KCNQ5: variants seen among roughly 807,000 people sequenced by gnomAD.
The protein encoded by KCNQ5 is potassium voltage-gated channel subfamily Q member 5, also known as potassium voltage-gated channel subfamily KQT member 5.
KCNQ5 carries 30 observed loss-of-function variants against 98.2 expected under a neutral mutation model. That is an observed-to-expected ratio of 0.31 (90% CI 0.23 to 0.41). The LOEUF is 0.41. KCNQ5 is among the 10% of genes least tolerant of loss of function. KCNQ5 has a pLI of 1.00. For missense variants in KCNQ5, 835 were observed against 1,182.5 expected, an observed-to-expected ratio of 0.71 and a Z score of 4.31; for synonymous variants, 458 against 449.4, an observed-to-expected ratio of 1.02 and a Z score of -0.24.
intron 1 of KCNQ5, among the ~76,000 whole-genome samples, chr6:72,760,750 A>G (rs2154477007): frequency 6.6e-6 from 1 of 152,250 alleles, no homozygotes; most frequent in Non-Finnish European, 1.5e-5. Flanking sequence ...TTACTGTCAA[A>G]ACTGATGAAT....
intron 10 of KCNQ5, among the ~76,000 whole-genome samples, chr6:73,158,292 G>A (rs1160786609): frequency 2.8e-5 from 4 of 144,532 alleles, no homozygotes; most frequent in Non-Finnish European, 4.6e-5. Flanking sequence ...TTGTGGAGAC[G>A]GAGTCTCCCT....
At chr6:73,055,017 A>G in intron 3 of KCNQ5, 1 of 497,350 alleles carries the variant, frequency 2.0e-6, no homozygotes, top group Non-Finnish European at 3.7e-6. Flanking sequence ...TCAATGTACA[A>G]AAATCAGTAG....
chr6:72,852,995 C>T (rs1777347651), intron 1 of KCNQ5, among the ~76,000 whole-genome samples: 1 of 151,966 alleles, frequency 6.6e-6, no homozygotes, highest in East Asian at 1.9e-4. Context: ...GTATTTATAC[C>T]ATGGAAAATG....
intron 1 of KCNQ5, chr6:72,987,391 C>T (rs1768837179): frequency 2.8e-6 from 2 of 714,128 alleles, no homozygotes; most frequent in South Asian, 1.4e-5. Flanking sequence ...AAAACGGAAG[C>T]TTGTGAAACC....
At chr6:73,059,205 C>T (rs1334830095) in intron 3 of KCNQ5, among the ~76,000 whole-genome samples, 2 of 152,152 alleles carry the variant, frequency 1.3e-5, no homozygotes, top group Non-Finnish European at 2.9e-5. Context: ...AAATGTGGTA[C>T]ATATACACCA....
At chr6:72,926,985 G>C (rs1026736360) in intron 1 of KCNQ5, among the ~76,000 whole-genome samples, 4 of 152,074 alleles carry the variant, frequency 2.6e-5, no homozygotes, top group Non-Finnish European at 5.9e-5. Context: ...TTACCATGGT[G>C]ACTTCTCTTC....
intron 1 of KCNQ5, among the ~76,000 whole-genome samples, chr6:72,778,460 C>A (rs1034410571): frequency 1.3e-5 from 2 of 151,860 alleles, no homozygotes; most frequent in Non-Finnish European, 1.5e-5. Flanking sequence ...GGTCGCTTGA[C>A]CCCCAGAGGA....
intron 3 of KCNQ5, chr6:73,055,162 C>T (rs1772415432): frequency 7.4e-6 from 6 of 812,562 alleles, no homozygotes; most frequent in Non-Finnish European, 1.3e-5. Context: ...AGAACCACTT[C>T]AGCGGCTGGT....
In KCNQ5 at chr6:73,041,938, G is replaced by A; in HGVS notation, c.492G>A (p.Glu164=). ...ATATGTCTTATCTGATATTTTAGGA[G>A]TTCGTGATGATTGTCGTCTTTGGTT... is the stretch of plus-strand genomic sequence containing the variant. ...KLASSCLLIL[E]FVMIVVFGLE... The change falls in exon 3 of 14, where the codon GAG becomes GAA. Residue 164 remains glutamate (E), a splice_region_variant and synonymous_variant. Transcript: ENST00000370398. 6.2e-7 allele frequency: 1 copy of A among 1,613,818 alleles called. No individual in the cohort carries two copies. The highest frequency in any genetic ancestry group is 8.5e-7 in the Non-Finnish European group (1 of 1,179,736).
intron 1 of KCNQ5, among the ~76,000 whole-genome samples, chr6:72,626,009 A>G (rs180698704): frequency 3.5e-4 from 54 of 152,306 alleles, no homozygotes; most frequent in Admixed American, 1.1e-3. Flanking sequence ...AAATATTTCC[A>G]TGACTCTTAT....
intron 1 of KCNQ5, among the ~76,000 whole-genome samples, chr6:72,989,652 T>G (rs1277099712): frequency 4.5e-3 from 1 of 222 alleles, no homozygotes; most frequent in Non-Finnish European, 7.8e-3. Context: ...CAGAAGCTCT[T>G]TAGTTTAATT....
In KCNQ5 at chr6:73,075,342, C is replaced by G. The variant is rs189902925; in HGVS notation, c.617-1980C>G. On this transcript the variant is annotated intron_variant, in intron 3 of 13. Transcript: ENST00000370398. Reference sequence around the variant, plus strand: ...GGTTCAAGGGATTCTCATGCCTCAGCCTTCCAAGTAGCTGGGATTACAGGC... The same window carrying G: ...GGTTCAAGGGATTCTCATGCCTCAGGCTTCCAAGTAGCTGGGATTACAGGC... Among the ~76,000 whole-genome samples, 149 of 152,034 alleles carry G rather than the reference C, an allele frequency of 9.8e-4. 1 individual carries two copies. The highest frequency in any genetic ancestry group is 3.4e-3 in the Middle Eastern group (1 of 294).
chr6:73,141,796 A>G (rs1776722774), intron 10 of KCNQ5, among the ~76,000 whole-genome samples: 1 of 152,234 alleles, frequency 6.6e-6, no homozygotes, highest in African/African-American at 2.4e-5. Flanking sequence ...GCATGTCCAC[A>G]TTGATACTTT....
intron 11 of KCNQ5, among the ~76,000 whole-genome samples, chr6:73,188,628 A>G (rs1765470615): frequency 6.6e-6 from 1 of 152,212 alleles, no homozygotes; most frequent in African/African-American, 2.4e-5. Context: ...CTCTAAGCAC[A>G]CAATGTCATA....
At chr6:73,098,662 C>T (rs973781963) in intron 5 of KCNQ5, among the ~76,000 whole-genome samples, 2 of 151,988 alleles carry the variant, frequency 1.3e-5, no homozygotes, top group Non-Finnish European at 2.9e-5. Flanking sequence ...GCAAAAATAG[C>T]CTTCATGAAG....
At chr6:73,036,307 A>G (rs1323139067) in intron 2 of KCNQ5, among the ~76,000 whole-genome samples, 3 of 147,254 alleles carry the variant, frequency 2.0e-5, no homozygotes, top group Non-Finnish European at 3.0e-5. Context: ...AATGGCATTA[A>G]CCAGGGAGGT....
chr6:73,137,272 A>G (rs555933263), intron 10 of KCNQ5, among the ~76,000 whole-genome samples: 1 of 152,326 alleles, frequency 6.6e-6, no homozygotes, highest in African/African-American at 2.4e-5. Flanking sequence ...TTAATATGTT[A>G]CACTTAAAAA....
At chr6:73,084,982 G>T (rs1304317863) in intron 5 of KCNQ5, among the ~76,000 whole-genome samples, 1 of 152,168 alleles carries the variant, frequency 6.6e-6, no homozygotes, top group Non-Finnish European at 1.5e-5. Context: ...CATTAGCAGG[G>T]CCTCCCAAGT....
intron 1 of KCNQ5, among the ~76,000 whole-genome samples, chr6:72,787,757 T>C (rs941786970): frequency 2.6e-5 from 4 of 152,226 alleles, no homozygotes; most frequent in African/African-American, 9.6e-5. Context: ...TATTCACCTC[T>C]GTGACCTTGA....
Sources: allele counts gnomAD v4.1 joint callset (sites outside exome capture counted in the v4.1 genomes callset), GRCh38; gene constraint gnomAD v4.1.1; transcripts MANE v1.5; gene names NCBI Gene and HGNC (gene_info 2026-07-23, HGNC 2026-07-21).